The following RAB3GAP2 variants were observed in gnomAD, a reference collection of about 807,000 sequenced individuals.
The protein encoded by RAB3GAP2 is RAB3 GTPase activating non-catalytic protein subunit 2, also known as rab3 GTPase-activating protein non-catalytic subunit.
A neutral mutation model predicts 185.3 loss-of-function variants in RAB3GAP2; 87 were observed. The observed-to-expected ratio is 0.47, with a 90% CI of 0.39 to 0.56. The LOEUF is 0.56. Among genes scored for constraint, RAB3GAP2 ranks in the 20% least tolerant of loss-of-function variants. The pLI is 0.00. For missense variants in RAB3GAP2, 1,492 were observed against 1,638.2 expected (o/e 0.91, Z 1.54); for synonymous variants, 554 against 576.1 (o/e 0.96, Z 0.55).
At chr1:220,212,856 C>A in intron 4 of RAB3GAP2, 31 bp downstream of exon 4, 1 of 1,540,290 alleles carries the variant, frequency 6.5e-7, no homozygotes, top group Admixed American at 1.7e-5. Context: ...ACATGTAACA[C>A]ACAGAGAAAC....
At chr1:220,167,159 C>T in intron 26 of RAB3GAP2, 134 bp downstream of exon 26, 2 of 789,088 alleles carry the variant, frequency 2.5e-6, no homozygotes, top group South Asian at 2.9e-5. Context: ...AAGGTCTACC[C>T]TAGTTAGTAC....
intron 1 of RAB3GAP2, among the ~76,000 whole-genome samples, chr1:220,263,774 A>G (rs1308019776): frequency 1.3e-5 from 2 of 152,066 alleles, no homozygotes; most frequent in Non-Finnish European, 2.9e-5. Flanking sequence ...TTTGGGGTCC[A>G]TATCTCATTT....
chr1:220,168,429 C>G, intron 24 of RAB3GAP2, among the ~76,000 whole-genome samples: 1 of 150,548 alleles, frequency 6.6e-6, no homozygotes, highest in African/African-American at 2.4e-5. Context: ...CAGAGTTTCG[C>G]TCTTGTTGTC....
At position 220,190,918 on chromosome 1, in the gene RAB3GAP2, T is replaced by G; in HGVS notation, c.1487+150A>C. The G allele has an allele frequency of 5.2e-6, 4 of 770,228 alleles. No individual in the cohort carries two copies. In the South Asian group the frequency reaches 5.9e-5, roughly 11 times the overall value. The allele number at this position is 770,228 out of a possible 1,614,324, so 47.7% of individuals were successfully genotyped here. On this transcript the variant is annotated intron_variant, in intron 14 of 34. Coordinates refer to ENST00000358951, the MANE Select transcript of RAB3GAP2 (RefSeq NM_012414.4). ...TTTTGTTATTAAATACTTAAGTACA[T>G]GCCAGGCACTCACAGGAAAAACCAC...
chr1:220,235,573 A>G (rs572499204), intron 1 of RAB3GAP2, among the ~76,000 whole-genome samples: 52 of 152,336 alleles, frequency 3.4e-4, no homozygotes, highest in South Asian at 8.3e-4. Context: ...CACATCTTTT[A>G]TGTTCTGGGA....
intron 1 of RAB3GAP2, among the ~76,000 whole-genome samples, chr1:220,243,935 CAT>C (rs1403154439): frequency 1.3e-5 from 2 of 152,082 alleles, no homozygotes; most frequent in Admixed American, 1.3e-4. Context: ...TAATAAAAGC[CAT>C]ATATGACAAA....
At chr1:220,254,030 T>G in intron 1 of RAB3GAP2, 1 of 1,613,614 alleles carries the variant, frequency 6.2e-7, no homozygotes, top group East Asian at 2.2e-5. Context: ...ATGAACAGAG[T>G]TGAAGTTAAA....
At chr1:220,251,630 T>C (rs1466123211) in intron 1 of RAB3GAP2, among the ~76,000 whole-genome samples, 1 of 152,220 alleles carries the variant, frequency 6.6e-6, no homozygotes, top group East Asian at 1.9e-4. Context: ...GATCATATTA[T>C]GATAATAAGT....
At chr1:220,247,361 C>T (rs988641181) in intron 1 of RAB3GAP2, among the ~76,000 whole-genome samples, 7 of 152,174 alleles carry the variant, frequency 4.6e-5, no homozygotes, top group African/African-American at 1.7e-4. Context: ...CCTAAGTGCC[C>T]ATCAACCAAC....
chr1:220,157,885 TA>T lies in RAB3GAP2; in HGVS notation c.3262-10del. The T allele has an allele frequency of 6.2e-7, 1 of 1,609,706 alleles. No individual in the cohort carries two copies. Among genetic ancestry groups the T allele is most frequent in the Non-Finnish European group, 8.5e-7 (1 of 1,176,266 alleles). ...TCACTCATTCCCACATCCTGTTTTTTAAAAAGGAACGTAATTAGGCCCTGCA... is the reference window on the plus strand; with the variant it reads ...TCACTCATTCCCACATCCTGTTTTTTAAAAGGAACGTAATTAGGCCCTGCA... On this transcript the variant is annotated splice_polypyrimidine_tract_variant and intron_variant, in intron 29 of 34. Transcript: ENST00000358951.
At chr1:220,159,986 C>A (rs1657935305) in intron 28 of RAB3GAP2, among the ~76,000 whole-genome samples, 1 of 151,586 alleles carries the variant, frequency 6.6e-6, no homozygotes, top group South Asian at 2.1e-4. Flanking sequence ...CACTGCACTC[C>A]AGCCCGGGCA....
At chr1:220,212,328 C>T (rs759565158) in intron 4 of RAB3GAP2, among the ~76,000 whole-genome samples, 8 of 152,184 alleles carry the variant, frequency 5.3e-5, no homozygotes, top group South Asian at 2.1e-4. Flanking sequence ...AAGGATTTTA[C>T]GAGATTCTTT....
chr1:220,155,973 CAG>C (rs1657849127), intron 31 of RAB3GAP2, among the ~76,000 whole-genome samples: 1 of 148,714 alleles, frequency 6.7e-6, no homozygotes, highest in South Asian at 2.1e-4. Context: ...TTTTTTGAGA[CAG>C]AGTCTCACTC....
intron 9 of RAB3GAP2, among the ~76,000 whole-genome samples, chr1:220,197,383 C>T (rs868615326): frequency 2.0e-5 from 3 of 152,276 alleles, no homozygotes; most frequent in Middle Eastern, 3.4e-3. Context: ...AAAATGCATT[C>T]GTCCTTAAGA....
chr1:220,207,245 T>C (rs1470570896), intron 7 of RAB3GAP2, among the ~76,000 whole-genome samples: 1 of 152,214 alleles, frequency 6.6e-6, no homozygotes, highest in African/African-American at 2.4e-5. Context: ...GTATTCACAA[T>C]TTTCATTCTC....
intron 9 of RAB3GAP2, among the ~76,000 whole-genome samples, chr1:220,198,483 T>C (rs1205894405): frequency 6.6e-6 from 1 of 152,204 alleles, no homozygotes; most frequent in Non-Finnish European, 1.5e-5. Context: ...TTTATATTGC[T>C]ACACATTGGT....
chr1:220,224,833 AG>A (rs1018366327), intron 2 of RAB3GAP2, among the ~76,000 whole-genome samples: 7 of 152,206 alleles, frequency 4.6e-5, no homozygotes, highest in African/African-American at 1.7e-4. Flanking sequence ...AAGCTGCCCT[AG>A]TTGCATTGCA....
rs2102539599 is a variant in RAB3GAP2, at chr1:220,269,339, G to A, written c.115+2884C>T. Among the ~76,000 whole-genome samples, 3 of 152,340 alleles carry A rather than the reference G, an allele frequency of 2.0e-5. No homozygotes were observed. The South Asian group carries it at 6.2e-4, about 32-fold the overall frequency. ...AGAGGTGTATAAGGTCCAAGAAATG[G>A]CAGGAAGCAGAGTCTCAAGGGCCTT... On this transcript the variant is annotated intron_variant, in intron 1 of 34. Transcript: ENST00000358951.
intron 1 of RAB3GAP2, among the ~76,000 whole-genome samples, chr1:220,238,330 T>C (rs1281925633): frequency 6.6e-6 from 1 of 152,228 alleles, no homozygotes; most frequent in East Asian, 1.9e-4. Context: ...CAAAACTACA[T>C]GTGGCTAGTG....
Sources: gnomAD v4.1 joint callset for allele counts (sites outside exome capture counted in the v4.1 genomes callset) on GRCh38, gnomAD v4.1.1 for gene constraint, MANE v1.5 for transcripts, NCBI Gene and HGNC (gene_info 2026-07-23, HGNC 2026-07-21) for gene names.